The following AGBL1 variants were observed in gnomAD, a reference collection of about 807,000 sequenced individuals.
AGBL1 encodes AGBL carboxypeptidase 1.
Under a neutral mutation model 118.9 loss-of-function variants are expected in AGBL1, and 130 were observed. The observed-to-expected ratio is 1.09, with a 90% CI of 0.95 to 1.26. The LOEUF (loss-of-function observed/expected upper bound fraction) is 1.26, where lower values mean the gene tolerates loss of function less well. Among genes scored for constraint, AGBL1 ranks in the 50% most tolerant of loss-of-function variants. The pLI is 0.00. For missense variants in AGBL1, 1,584 were observed against 1,298.1 expected (o/e 1.22, Z -3.38); for synonymous variants, 555 against 478.9 (o/e 1.16, Z -2.08).
chr15:86,533,614 A>T lies in AGBL1; in HGVS notation c.2685+10675A>T, dbSNP rs199775112. Among the ~76,000 whole-genome samples, 218 of 138,314 alleles carry T rather than the reference A, an allele frequency of 1.6e-3. No homozygotes were observed. In the East Asian group the frequency reaches 0.042, roughly 27 times the overall value. 90.7% of individuals were successfully genotyped at this position (138,314 alleles called of 152,430 possible). ...GGACCCAGCCATCCCATTACTGGGT[A>T]TATACCCAAATGACTATAAATCATG... On this transcript the variant is annotated intron_variant, in intron 19 of 22. Transcript: ENST00000614907.
intron 5 of AGBL1, among the ~76,000 whole-genome samples, chr15:86,179,305 A>T (rs191192668): frequency 2.8e-4 from 42 of 152,382 alleles, no homozygotes; most frequent in African/African-American, 9.6e-4. Context: ...AAGAACAGAG[A>T]TGCAAATATT....
chr15:86,382,892 A>G (rs2081131150), intron 17 of AGBL1, among the ~76,000 whole-genome samples: 1 of 152,114 alleles, frequency 6.6e-6, no homozygotes, highest in East Asian at 1.9e-4. Flanking sequence ...GAACACCTCC[A>G]GAACTGCACA....
At chr15:86,215,683 C>G (rs4887417) in intron 5 of AGBL1, among the ~76,000 whole-genome samples, 24 of 151,964 alleles carry the variant, frequency 1.6e-4, no homozygotes, top group African/African-American at 5.8e-4. Context: ...TGTAAAATGG[C>G]GATTGTTATG....
intron 22 of AGBL1, among the ~76,000 whole-genome samples, chr15:86,735,200 A>C (rs1204054671): frequency 2.6e-5 from 4 of 151,952 alleles, no homozygotes; most frequent in Admixed American, 1.3e-4. Flanking sequence ...TCCTGCCTCA[A>C]CTTCCCAAGC....
intron 17 of AGBL1, among the ~76,000 whole-genome samples, chr15:86,365,868 G>A (rs771221051): frequency 1.1e-4 from 16 of 152,054 alleles, no homozygotes; most frequent in Admixed American, 4.6e-4. Flanking sequence ...TCTGTGCTTC[G>A]TTTTATCCTG....
intron 5 of AGBL1, among the ~76,000 whole-genome samples, chr15:86,204,110 C>T (rs2077951317): frequency 6.6e-6 from 1 of 152,118 alleles, no homozygotes; most frequent in African/African-American, 2.4e-5. Flanking sequence ...AGCAGGTGGA[C>T]TGTACCTGTG....
At chr15:86,831,144 G>T (rs976268245) in intron 22 of AGBL1, among the ~76,000 whole-genome samples, 6 of 152,088 alleles carry the variant, frequency 3.9e-5, no homozygotes, top group Non-Finnish European at 8.8e-5. Context: ...GGAAAAACCT[G>T]CCCGCATGAT....
At chr15:86,707,746 A>G (rs2086478387) in intron 22 of AGBL1, among the ~76,000 whole-genome samples, 1 of 152,090 alleles carries the variant, frequency 6.6e-6, no homozygotes, top group East Asian at 1.9e-4. Context: ...CATGACAAAA[A>G]CTGTTTCTGA....
intron 22 of AGBL1, among the ~76,000 whole-genome samples, chr15:86,742,257 A>G (rs918627448): frequency 2.6e-5 from 4 of 152,172 alleles, no homozygotes; most frequent in Admixed American, 2.0e-4. Flanking sequence ...GCCCCTACAA[A>G]TGGAATCAGA....
chr15:86,130,323 A>T (rs916321791), intron 1 of AGBL1, among the ~76,000 whole-genome samples: 83 of 151,976 alleles, frequency 5.5e-4, no homozygotes, highest in African/African-American at 1.7e-3. Context: ...CTTTTTTTTT[A>T]AATTTTATTA....
At chr15:86,832,553 G>A (rs973602031) in intron 22 of AGBL1, among the ~76,000 whole-genome samples, 2 of 152,126 alleles carry the variant, frequency 1.3e-5, no homozygotes, top group African/African-American at 4.8e-5. Flanking sequence ...TAGGACAGGG[G>A]CAAAATGTCA....
At chr15:86,191,599 TAGAA>T (rs1221468066) in intron 5 of AGBL1, among the ~76,000 whole-genome samples, 1 of 151,924 alleles carries the variant, frequency 6.6e-6, no homozygotes, top group African/African-American at 2.4e-5. Flanking sequence ...TCTTTCTGAA[TAGAA>T]AGAGAGAGAA....
At chr15:86,505,678 T>C (rs2082967957) in intron 18 of AGBL1, among the ~76,000 whole-genome samples, 1 of 152,046 alleles carries the variant, frequency 6.6e-6, no homozygotes, top group Admixed American at 6.6e-5. Flanking sequence ...TACTTTCTTT[T>C]AGTTCTTCAG....
chr15:86,976,051 T>G (rs570731887), intron 23 of AGBL1, among the ~76,000 whole-genome samples: 2 of 152,236 alleles, frequency 1.3e-5, no homozygotes, highest in African/African-American at 4.8e-5. Flanking sequence ...ATTATTATGT[T>G]GGTTACACAT....
At chr15:86,723,355 G>T (rs536203915) in intron 22 of AGBL1, among the ~76,000 whole-genome samples, 1 of 152,300 alleles carries the variant, frequency 6.6e-6, no homozygotes, top group East Asian at 1.9e-4. Flanking sequence ...GTCCTTTGTA[G>T]GGACATGGAT....
At chr15:86,760,639 C>T (rs545416485) in intron 22 of AGBL1, among the ~76,000 whole-genome samples, 1 of 152,168 alleles carries the variant, frequency 6.6e-6, no homozygotes, top group Non-Finnish European at 1.5e-5. Flanking sequence ...GAAACTGTTG[C>T]CTCCTGTTTT....
chr15:86,872,302 A>G (rs1026252826), intron 22 of AGBL1, among the ~76,000 whole-genome samples: 2 of 152,232 alleles, frequency 1.3e-5, no homozygotes, highest in African/African-American at 4.8e-5. Context: ...TTTCAGGTGG[A>G]GAAAATTGAG....
chr15:86,960,591 A>T lies in AGBL1; in HGVS notation c.3222-27396A>T, dbSNP rs182166768. On this transcript the variant is annotated intron_variant, in intron 23 of 24. Transcript: ENST00000441037. ...AAAAAATTAAAAATAGAACTACAAA[A>T]TCATCCAGAAATCCTAATACTGGCT... Among the ~76,000 whole-genome samples the T allele has an allele frequency of 1.1e-3, 161 of 152,162 alleles. 1 individual carries two copies. Among genetic ancestry groups the T allele is most frequent in the African/African-American group, 2.8e-3 (118 of 41,550 alleles).
At chr15:86,753,013 C>T (rs180818735) in intron 22 of AGBL1, among the ~76,000 whole-genome samples, 8 of 152,222 alleles carry the variant, frequency 5.3e-5, no homozygotes, top group African/African-American at 7.2e-5. Context: ...AAACAAGGCA[C>T]TGTTTATAAG....
Sources: allele counts gnomAD v4.1 joint callset (sites outside exome capture counted in the v4.1 genomes callset), GRCh38; gene constraint gnomAD v4.1.1; transcripts MANE v1.5; gene names NCBI Gene and HGNC (gene_info 2026-07-23, HGNC 2026-07-21).